Variants in OXR1 observed in about 807,000 individuals in gnomAD.
OXR1 encodes the protein oxidation resistance 1.
OXR1 carries 41 observed loss-of-function variants against 104.6 expected under a neutral mutation model. That is an observed-to-expected ratio of 0.39 (90% CI 0.31 to 0.51). OXR1 has a LOEUF of 0.51. OXR1 is among the 20% of genes least tolerant of loss of function. The pLI is 0.77. For synonymous variants in OXR1, 348 were observed against 348.4 expected (o/e 1.00, Z 0.01); for missense variants, 955 against 1,031.9 (o/e 0.93, Z 1.02).
chr8:106,635,849 A>G (rs1823087190), intron 3 of OXR1, among the ~76,000 whole-genome samples: 1 of 152,214 alleles, frequency 6.6e-6, no homozygotes, highest in Admixed American at 6.5e-5. Context: ...ATTTTTTACA[A>G]TAGGACAAAT....
intron 2 of OXR1, among the ~76,000 whole-genome samples, chr8:106,382,594 T>G (rs889782875): frequency 1.3e-5 from 2 of 150,530 alleles, no homozygotes; most frequent in Non-Finnish European, 3.0e-5. Context: ...ATTACTACAC[T>G]CAACCCCACA....
chr8:106,646,353 T>C (rs946956792), intron 3 of OXR1, among the ~76,000 whole-genome samples: 2 of 152,036 alleles, frequency 1.3e-5, no homozygotes, highest in African/African-American at 2.4e-5. Flanking sequence ...GGTGATCTGC[T>C]CACCTCAGAT....
chr8:106,722,340 T>C (rs543723632), intron 11 of OXR1, among the ~76,000 whole-genome samples: 1 of 152,176 alleles, frequency 6.6e-6, no homozygotes, highest in Non-Finnish European at 1.5e-5. Context: ...TATTCTTTTT[T>C]TTTAATACTG....
At chr8:106,493,043 A>C (rs1229446009) in intron 2 of OXR1, among the ~76,000 whole-genome samples, 1 of 152,058 alleles carries the variant, frequency 6.6e-6, no homozygotes, top group South Asian at 2.1e-4. Flanking sequence ...AGGCTAGGAG[A>C]CTTTTTTTTA....
chr8:106,691,163 G>A (rs1446856544), intron 6 of OXR1, among the ~76,000 whole-genome samples: 2 of 151,718 alleles, frequency 1.3e-5, no homozygotes, highest in African/African-American at 4.8e-5. Context: ...GAATATTTGG[G>A]GCAATAATGA....
chr8:106,410,671 G>A (rs1405826537), intron 2 of OXR1, among the ~76,000 whole-genome samples: 1 of 152,114 alleles, frequency 6.6e-6, no homozygotes, highest in East Asian at 1.9e-4. Flanking sequence ...ATGTAGCTAA[G>A]CCAATATAAG....
chr8:106,651,328 A>G (rs1298186274), intron 3 of OXR1, among the ~76,000 whole-genome samples: 2 of 152,178 alleles, frequency 1.3e-5, no homozygotes, highest in Non-Finnish European at 2.9e-5. Context: ...CTCTGAGTCC[A>G]CTGCCAATTC....
chr8:106,445,393 G>T (rs1223202983), intron 2 of OXR1, among the ~76,000 whole-genome samples: 1 of 152,094 alleles, frequency 6.6e-6, no homozygotes, highest in Non-Finnish European at 1.5e-5. Context: ...ACAGTGCCAG[G>T]TGAATCCATC....
At chr8:106,486,788 G>A (rs1436300731) in intron 2 of OXR1, among the ~76,000 whole-genome samples, 1 of 151,728 alleles carries the variant, frequency 6.6e-6, no homozygotes, top group African/African-American at 2.4e-5. Context: ...AAAATTTGTG[G>A]GTTTCCAGTA....
At chr8:106,634,202 T>G (rs1375996774) in intron 3 of OXR1, among the ~76,000 whole-genome samples, 2 of 152,154 alleles carry the variant, frequency 1.3e-5, no homozygotes, top group Non-Finnish European at 2.9e-5. Context: ...GAAAGGCAAG[T>G]TAAAACATGA....
intron 1 of OXR1, among the ~76,000 whole-genome samples, chr8:106,288,644 TAC>T (rs554185975): frequency 8.8e-4 from 130 of 148,012 alleles, no homozygotes; most frequent in African/African-American, 2.4e-3. Flanking sequence ...TATTAATATA[TAC>T]ACACACATAC....
intron 2 of OXR1, among the ~76,000 whole-genome samples, chr8:106,437,102 T>C (rs1026685976): frequency 2.6e-5 from 4 of 152,148 alleles, no homozygotes; most frequent in African/African-American, 9.7e-5. Context: ...TCTCTTACCC[T>C]TTATGCTGTC....
chr8:106,303,079 A>G (rs567741997), intron 1 of OXR1, among the ~76,000 whole-genome samples: 2 of 151,212 alleles, frequency 1.3e-5, no homozygotes, highest in East Asian at 3.9e-4. Context: ...TTTTTAAATT[A>G]CAGATATGAA....
intron 3 of OXR1, among the ~76,000 whole-genome samples, chr8:106,663,030 T>A (rs1196946336): frequency 6.6e-6 from 1 of 152,150 alleles, no homozygotes; most frequent in Non-Finnish European, 1.5e-5. Context: ...CAATCAGTAA[T>A]GCACATATTC....
chr8:106,550,115 C>T (rs1350706896), intron 3 of OXR1, among the ~76,000 whole-genome samples: 1 of 152,158 alleles, frequency 6.6e-6, no homozygotes, highest in Non-Finnish European at 1.5e-5. Flanking sequence ...AATATCTACC[C>T]AAAGTCATTA....
At chr8:106,576,757 C>G (rs1207552148) in intron 3 of OXR1, among the ~76,000 whole-genome samples, 1 of 152,084 alleles carries the variant, frequency 6.6e-6, no homozygotes, top group East Asian at 1.9e-4. Context: ...AGAAAATTCT[C>G]AAATTCAGTA....
intron 1 of OXR1, among the ~76,000 whole-genome samples, chr8:106,356,947 A>G (rs1031883238): frequency 6.6e-6 from 1 of 152,122 alleles, no homozygotes; most frequent in Non-Finnish European, 1.5e-5. Flanking sequence ...CATAAAGGCA[A>G]CATTTGTGTG....
At chr8:106,603,904 T>A (rs893026053) in intron 3 of OXR1, among the ~76,000 whole-genome samples, 27 of 151,788 alleles carry the variant, frequency 1.8e-4, no homozygotes, top group African/African-American at 5.8e-4. Flanking sequence ...AATATAAAAA[T>A]TAGCTGGGCG....
At chr8:106,682,125 C>G (rs1412704213) in intron 4 of OXR1, among the ~76,000 whole-genome samples, 2 of 152,016 alleles carry the variant, frequency 1.3e-5, no homozygotes, top group African/African-American at 4.8e-5. Flanking sequence ...ATACTCAAAA[C>G]TTCTATTGCA....
Sources: allele counts gnomAD v4.1 joint callset (sites outside exome capture counted in the v4.1 genomes callset), GRCh38; gene constraint gnomAD v4.1.1; transcripts MANE v1.5; gene names NCBI Gene and HGNC (gene_info 2026-07-23, HGNC 2026-07-21).